SDK2: variants seen among roughly 807,000 people sequenced by gnomAD.
The protein encoded by SDK2 is protein sidekick-2.
Under a neutral mutation model 253.9 loss-of-function variants are expected in SDK2, and 105 were observed. The ratio of observed to expected loss-of-function variants is 0.41; its 90% CI spans 0.35 to 0.49. The LOEUF is 0.49. Among genes scored for constraint, SDK2 ranks in the 20% least tolerant of loss-of-function variants. The pLI is 0.06. For missense variants in SDK2, 2,608 were observed against 3,003.0 expected, an observed-to-expected ratio of 0.87 and a Z score of 3.07; for synonymous variants, 1,249 against 1,234.9, an observed-to-expected ratio of 1.01 and a Z score of -0.24.
chr17:73,554,830 T>C lies in SDK2; in HGVS notation c.65-47233A>G, dbSNP rs149285296. ...GCTCTTGGGCATCCTTTGTAGAGTA[T>C]TGATTTACACTTATTTATGGGTTGT... is the stretch of plus-strand genomic sequence containing the variant. On this transcript the variant is annotated intron_variant, in intron 1 of 44. Transcript: ENST00000392650. 6.2e-3 allele frequency among the ~76,000 whole-genome samples: 951 copies of C among 152,342 alleles called. 9 individuals are homozygous for C. Among genetic ancestry groups the C allele is most frequent in the African/African-American group, 0.021 (875 of 41,572 alleles).
intron 3 of SDK2, among the ~76,000 whole-genome samples, chr17:73,461,988 A>T (rs1292486386): frequency 6.9e-6 from 1 of 145,880 alleles, no homozygotes; most frequent in Non-Finnish European, 1.5e-5. Context: ...GCATGTATGC[A>T]TGTGTCATGG....
chr17:73,368,564 G>A lies in SDK2; in HGVS notation c.5010C>T (p.Asn1670=), dbSNP rs370494633. ...KIYFWEAQRG[N]LTERVKTLFL... ...AAAGCGTCTTCACTCGCTCTGTGAG[G>A]TTCCCCCGCTGGGCTTCCCAGAAAT... Residue 1670 remains asparagine (N), a synonymous_variant, in exon 37 of 45, where the codon AAC becomes AAT. Transcript: ENST00000392650. 1.9e-6 allele frequency: 3 copies of A among 1,599,926 alleles called. No homozygotes were observed. The highest frequency in any genetic ancestry group is 8.5e-7 in the Non-Finnish European group (1 of 1,173,966).
intron 39 of SDK2, among the ~76,000 whole-genome samples, chr17:73,359,986 C>T (rs1293114260): frequency 6.6e-6 from 1 of 152,196 alleles, no homozygotes; most frequent in Admixed American, 6.5e-5. Flanking sequence ...TCTCTGAACC[C>T]TCTGCCCTTT....
At chr17:73,478,882 G>A (rs908312144) in intron 2 of SDK2, among the ~76,000 whole-genome samples, 6 of 152,240 alleles carry the variant, frequency 3.9e-5, no homozygotes, top group African/African-American at 1.4e-4. Flanking sequence ...AGATGCACGC[G>A]GTGATGCTCC....
intron 1 of SDK2, among the ~76,000 whole-genome samples, chr17:73,564,319 A>G: frequency 6.6e-6 from 1 of 152,210 alleles, no homozygotes; most frequent in East Asian, 1.9e-4. Flanking sequence ...CTATCACTAC[A>G]GAAAGTTCTA....
At chr17:73,489,170 G>T (rs1485448426) in intron 2 of SDK2, among the ~76,000 whole-genome samples, 1 of 152,180 alleles carries the variant, frequency 6.6e-6, no homozygotes, top group Non-Finnish European at 1.5e-5. Flanking sequence ...AGGTGAAAAC[G>T]TTACTGCTGC....
chr17:73,401,603 C>T, intron 20 of SDK2, 51 bp downstream of exon 20: 1 of 1,490,356 alleles, frequency 6.7e-7, no homozygotes, highest in Non-Finnish European at 9.2e-7. Context: ...CCAGCTCTGA[C>T]CTTTCCCAGC....
At chr17:73,532,625 C>T (rs1376228789) in intron 1 of SDK2, among the ~76,000 whole-genome samples, 1 of 152,216 alleles carries the variant, frequency 6.6e-6, no homozygotes, top group Non-Finnish European at 1.5e-5. Flanking sequence ...CCCTTCTTAT[C>T]AACATGGACT....
rs180877724 is a variant in SDK2 at position 73,478,576 on chromosome 17, G to A, written c.225-6358C>T. ...AAGAGATGAGCTCAGGGTGGAGGGC[G>A]CAAGACAACAGTGGGAGGAAGAGCC... On this transcript the variant is annotated intron_variant, in intron 2 of 44. Coordinates refer to ENST00000392650, the MANE Select transcript of SDK2 (RefSeq NM_001144952.2). Among the ~76,000 whole-genome samples, 40 of 152,294 alleles carry A rather than the reference G, an allele frequency of 2.6e-4. 1 individual carries two copies. In the East Asian group the frequency reaches 7.7e-3, roughly 29 times the overall value.
intron 2 of SDK2, among the ~76,000 whole-genome samples, chr17:73,486,661 A>G (rs1180697556): frequency 6.7e-6 from 1 of 148,980 alleles, no homozygotes; most frequent in Non-Finnish European, 1.5e-5. Flanking sequence ...CAAGTGATGG[A>G]GCCAACAGCC....
intron 11 of SDK2, 72 bp from the exon 12 acceptor site, chr17:73,430,685 C>G (rs2063320026): frequency 1.9e-6 from 2 of 1,030,992 alleles, no homozygotes. Flanking sequence ...TGGGTGGATA[C>G]CATATGAAAG....
chr17:73,445,377 C>T (rs2063445913), intron 5 of SDK2, among the ~76,000 whole-genome samples: 1 of 152,188 alleles, frequency 6.6e-6, no homozygotes, highest in African/African-American at 2.4e-5. Flanking sequence ...ATTCTATTTC[C>T]TTTCGACAGT....
rs754789240 is a variant in SDK2 at position 73,388,021 on chromosome 17, G to T, written c.4209C>A (p.Pro1403=). 5 of 1,566,848 alleles carry T rather than the reference G, an allele frequency of 3.2e-6. No homozygotes were observed. Among genetic ancestry groups the T allele is most frequent in the Non-Finnish European group, 3.5e-6 (4 of 1,156,780 alleles). ...CCTCCTGCTGCACCATCGGCCTGCTGGGGGGCTGCGGACGGTCTGGGAGGT... is the reference window on the plus strand; with the variant it reads ...CCTCCTGCTGCACCATCGGCCTGCTTGGGGGCTGCGGACGGTCTGGGAGGT... ...TTEKRDRPQP[P]SRPMVQQEDV... is the part of the protein sequence containing the mutation. The change falls in exon 30 of 45, where the codon CCC becomes CCA. Residue 1403 remains proline (P), a synonymous_variant. Transcript: ENST00000392650.
At chr17:73,582,743 C>G (rs146840028) in intron 1 of SDK2, among the ~76,000 whole-genome samples, 1 of 152,176 alleles carries the variant, frequency 6.6e-6, no homozygotes, top group Non-Finnish European at 1.5e-5. Context: ...TGGGTACCCC[C>G]CTTCAGCCCT....
intron 43 of SDK2, 89 bp downstream of exon 43, chr17:73,350,148 G>T (rs1044770737): frequency 2.1e-5 from 26 of 1,230,450 alleles, no homozygotes; most frequent in Non-Finnish European, 2.9e-5. Context: ...TGGCCAGGTG[G>T]GCACTCCCTG....
At chr17:73,564,484 G>C (rs2045282630) in intron 1 of SDK2, among the ~76,000 whole-genome samples, 1 of 152,194 alleles carries the variant, frequency 6.6e-6, no homozygotes, top group African/African-American at 2.4e-5. Flanking sequence ...GTGTGACCCA[G>C]AGAGGTGCCT....
rs532112508 is a variant in SDK2, at chr17:73,391,639, G to T, written c.3899-101C>A. ...CAGCCTGGCAGGGTGGAGGGGGAAG[G>T]GGCCGCCCAGCTCAGTGAATTTCTG... On this transcript the variant is annotated intron_variant, in intron 27 of 44. Transcript: ENST00000392650. The T allele has an allele frequency of 9.1e-5, 43 of 471,334 alleles. 2 individuals are homozygous for T. The South Asian group carries it at 4.8e-3, about 52-fold the overall frequency. The allele number at this position is 471,334 out of a possible 1,614,324, so 29.2% of individuals were successfully genotyped here. A position where few individuals can be genotyped will look rare whatever the true frequency, so the allele number is the denominator to read the frequency against.
At chr17:73,546,238 T>C (rs2044962841) in intron 1 of SDK2, among the ~76,000 whole-genome samples, 1 of 152,156 alleles carries the variant, frequency 6.6e-6, no homozygotes, top group Admixed American at 6.5e-5. Flanking sequence ...CTCTCTCCTG[T>C]GCAGGCGGAT....
Position 73,383,913 on chromosome 17 carries a change from G to T in SDK2, c.4668C>A (p.Gly1556=). The T allele has an allele frequency of 6.2e-7, 1 of 1,613,968 alleles. No individual in the cohort carries two copies. Among genetic ancestry groups the T allele is most frequent in the Non-Finnish European group, 8.5e-7 (1 of 1,179,888 alleles). ...YEGLRGFTLR[G]INNPGATWAE... ...CCCATGTGGCCCCTGGGTTGTTGATGCCTCGAAGCGTGAAGCCCCTCAGTC... is the reference window on the plus strand; with the variant it reads ...CCCATGTGGCCCCTGGGTTGTTGATTCCTCGAAGCGTGAAGCCCCTCAGTC... The change falls in exon 33 of 45, where the codon GGC becomes GGA. Residue 1556 remains glycine, a synonymous_variant. Coordinates refer to ENST00000392650, the MANE Select transcript of SDK2 (RefSeq NM_001144952.2). The surrounding 1 kb of genome is among the most constrained non-coding windows in gnomAD (Gnocchi z 4.3).
Sources: gnomAD v4.1 joint callset for allele counts (sites outside exome capture counted in the v4.1 genomes callset) on GRCh38, gnomAD v4.1.1 for gene constraint, Gnocchi (gnomAD v3.1) non-coding constraint, MANE v1.5 for transcripts, NCBI Gene and HGNC (gene_info 2026-07-23, HGNC 2026-07-21) for gene names.